The following BEAN1 variants were observed in gnomAD, a reference collection of about 807,000 sequenced individuals.
The protein encoded by BEAN1 is protein BEAN1.
A neutral mutation model predicts 17.7 loss-of-function variants in BEAN1; 17 were observed. The observed-to-expected ratio is 0.96, with a 90% CI of 0.66 to 1.44. BEAN1 has a LOEUF of 1.44. BEAN1 is among the 40% of genes most tolerant of loss of function. The pLI is 0.00. For missense variants in BEAN1, 359 were observed against 374.1 expected (o/e 0.96, Z 0.33); for synonymous variants, 142 against 151.8 (o/e 0.94, Z 0.47).
intron 4 of BEAN1, among the ~76,000 whole-genome samples, chr16:66,478,843 A>G (rs1963871696): frequency 6.6e-6 from 1 of 152,056 alleles, no homozygotes; most frequent in Admixed American, 6.6e-5. Flanking sequence ...TTGGGTTGGG[A>G]GGAACTGGGA....
chr16:66,435,904 C>T (rs1437065885), intron 1 of BEAN1, among the ~76,000 whole-genome samples: 6 of 152,140 alleles, frequency 3.9e-5, no homozygotes, highest in Non-Finnish European at 7.4e-5. Flanking sequence ...CAGTGTTTTG[C>T]CTCTCTGAGC....
intron 1 of BEAN1, among the ~76,000 whole-genome samples, chr16:66,436,843 C>T (rs997261362): frequency 7.9e-5 from 12 of 152,084 alleles, no homozygotes; most frequent in Admixed American, 1.3e-4. Flanking sequence ...CAGGTTCATA[C>T]TGGGGGGCGG....
At chr16:66,450,964 C>T (rs1251495967) in intron 2 of BEAN1, 2 of 152,340 alleles carry the variant, frequency 1.3e-5, no homozygotes, top group Non-Finnish European at 2.9e-5. Flanking sequence ...TCACTTATCA[C>T]TTATTTGAAG....
At chr16:66,452,848 G>A (rs1479020202) in intron 2 of BEAN1, among the ~76,000 whole-genome samples, 1 of 152,060 alleles carries the variant, frequency 6.6e-6, no homozygotes, top group Non-Finnish European at 1.5e-5. Flanking sequence ...AGCTCCCCAG[G>A]ATGGAGAGAG....
At chr16:66,442,349 T>C (rs949984510) in intron 2 of BEAN1, among the ~76,000 whole-genome samples, 2 of 152,286 alleles carry the variant, frequency 1.3e-5, no homozygotes, top group African/African-American at 2.4e-5. Context: ...TGGAGCTCCC[T>C]GAAAGATGGG....
At position 66,469,858 on chromosome 16, in the gene BEAN1, C is replaced by A; in HGVS notation, c.282C>A (p.His94Gln). ...HRRRRHREYE[H>Q]GYVSDEHTYS... ...GGCGTCGACACCGAGAGTACGAGCA[C>A]GGCTACGGTGAGCCGCCGCCCACCC... Residue 94 changes from histidine to glutamine, a missense_variant, in exon 3 of 5, where the codon CAC becomes CAA. Coordinates refer to ENST00000536005, the MANE Select transcript of BEAN1 (RefSeq NM_001178020.3). 5.2e-6 allele frequency: 8 copies of A among 1,533,918 alleles called. No individual in the cohort carries two copies. The highest frequency in any genetic ancestry group is 1.9e-4 in the Middle Eastern group (1 of 5,166).
rs34246549 is a variant in BEAN1 at position 66,461,569 on chromosome 16, G to GACACACACACACACAC, written c.26-8003_26-7988dup. ...GTGCTGTGCAGGGCAGGCAGGCGCA[G>GACACACACACACACAC]ACACACACACACACACACACACACA... On this transcript the variant is annotated intron_variant, in intron 2 of 4. Coordinates refer to ENST00000536005, the MANE Select transcript of BEAN1 (RefSeq NM_001178020.3). 1.5e-4 allele frequency among the ~76,000 whole-genome samples: 21 copies of GACACACACACACACAC among 140,936 alleles called. No individual in the cohort carries two copies. In the East Asian group the frequency reaches 1.5e-3, roughly 10 times the overall value. The allele number at this position is 140,936 out of a possible 152,430, so 92.5% of individuals were successfully genotyped here. A position where few individuals can be genotyped will look rare whatever the true frequency, so the allele number is the denominator to read the frequency against.
chr16:66,443,421 G>A (rs556313816), intron 2 of BEAN1, among the ~76,000 whole-genome samples: 72 of 152,296 alleles, frequency 4.7e-4, no homozygotes, highest in Non-Finnish European at 8.8e-4. Context: ...AAAATGGTGC[G>A]GTCAGGGCTA....
rs1035029403 is a variant in BEAN1 at position 66,470,105 on chromosome 16, G to A, written c.289+240G>A. The A allele has an allele frequency of 8.1e-6, 5 of 614,876 alleles. No homozygotes were observed. In the African/African-American group the frequency reaches 9.2e-5, roughly 11 times the overall value. The allele number at this position is 614,876 out of a possible 1,614,324, so 38.1% of individuals were successfully genotyped here. On this transcript the variant is annotated intron_variant, in intron 3 of 4. Transcript: ENST00000536005. ...AGTGAGGCTGAAGGTCAGAGGGAGAGTGTGTCACTCCTCCCCTGCCACTGT... is the reference window on the plus strand; with the variant it reads ...AGTGAGGCTGAAGGTCAGAGGGAGAATGTGTCACTCCTCCCCTGCCACTGT...
In BEAN1 at chr16:66,480,709, C is replaced by G. The variant is rs202095246; in HGVS notation, c.564C>G (p.His188Gln). ...GCACCTCCGACTCAGGCAGCGGCCA[C>G]AGCCCTGGCCGACACCAGCAGGAGC... ...LDGTSDSGSG[H>Q]SPGRHQQEQR... Residue 188 changes from histidine (H) to glutamine (Q), a missense_variant, in exon 5 of 5, where the codon CAC (histidine) becomes CAG (glutamine). Coordinates refer to ENST00000536005, the MANE Select transcript of BEAN1 (RefSeq NM_001178020.3). The G allele has an allele frequency of 1.7e-4, 260 of 1,551,680 alleles. 2 individuals carry two copies. In the East Asian group the frequency reaches 6.3e-3, roughly 38 times the overall value.
In BEAN1 at chr16:66,480,890, CG is replaced by C. The variant is rs1963964081; in HGVS notation, c.748del (p.Ala250ProfsTer29). ...RGSQGSPTPT[R>X]APASGPERIV ...CTCCCAGGGCTCACCCACCCCAACC[CG>C]GGCCCCAGCCTCTGGCCCAGAGAGG... On this transcript the variant is annotated frameshift_variant, in exon 5 of 5. Coordinates refer to ENST00000536005, the MANE Select transcript of BEAN1 (RefSeq NM_001178020.3). LOFTEE classifies it high-confidence loss of function. 4 of 1,466,310 alleles carry C rather than the reference CG, an allele frequency of 2.7e-6. No individual in the cohort carries two copies. In the South Asian group the frequency reaches 5.6e-5, roughly 21 times the overall value. The allele number at this position is 1,466,310 out of a possible 1,614,324, so 90.8% of individuals were successfully genotyped here.
Position 66,477,615 on chromosome 16 carries a change from C to T in BEAN1, c.345C>T (p.Ser115=). The part of the protein sequence containing the change: ...RSSRRMRYAC[S]SSEDWPPPLD... ...GCCGCAGGATGCGCTATGCCTGCAGCTCCTCAGAGGACTGGCCCCCACCCT... is the reference window on the plus strand; with the variant it reads ...GCCGCAGGATGCGCTATGCCTGCAGTTCCTCAGAGGACTGGCCCCCACCCT... The change falls in exon 4 of 5, where the codon AGC becomes AGT. Residue 115 remains serine, a synonymous_variant. Transcript: ENST00000536005. 1 of 1,551,178 alleles carries T rather than the reference C, an allele frequency of 6.4e-7. No individual in the cohort carries two copies.
intron 2 of BEAN1, among the ~76,000 whole-genome samples, chr16:66,447,103 C>T (rs1440733208): frequency 2.0e-5 from 3 of 152,142 alleles, no homozygotes; most frequent in African/African-American, 7.2e-5. Flanking sequence ...GACCCTGTCT[C>T]TACAAAAAAT....
Position 66,481,218 on chromosome 16 carries a change from G to A in BEAN1, c.*293G>A. The A allele has an allele frequency of 2.4e-6, 1 of 409,572 alleles. No individual in the cohort carries two copies. The highest frequency in any genetic ancestry group is 4.3e-6 in the Non-Finnish European group (1 of 232,828). The allele number at this position is 409,572 out of a possible 1,614,324, so 25.4% of individuals were successfully genotyped here. ...TCCTGGCCTCCCGTCCCTCCTCCCG[G>A]CCTGTTTGTTGTGCCTCTGTAGAGA... On this transcript the variant is annotated 3_prime_UTR_variant, in exon 5 of 5. Coordinates refer to ENST00000536005, the MANE Select transcript of BEAN1 (RefSeq NM_001178020.3). This position sits in a 1 kb window ranked among gnomAD's most constrained non-coding sequence, Gnocchi z 4.1.
Position 66,473,927 on chromosome 16 carries a change from C to T in BEAN1, c.290-3633C>T, listed in dbSNP as rs1963589234. Among the ~76,000 whole-genome samples the T allele has an allele frequency of 6.6e-6, 1 of 152,018 alleles. No homozygotes were observed. The highest frequency in any genetic ancestry group is 2.4e-5 in the African/African-American group (1 of 41,382). On this transcript the variant is annotated intron_variant, in intron 3 of 4. Coordinates refer to ENST00000536005, the MANE Select transcript of BEAN1 (RefSeq NM_001178020.3). The surrounding 1 kb of genome is among the most constrained non-coding windows in gnomAD (Gnocchi z 4.5). Reference sequence around the variant, plus strand: ...GTCCCTCAGATCCCACACCTTGGTCCTGGTCCTCTCTCTACACCCACTCCC... The same window carrying T: ...GTCCCTCAGATCCCACACCTTGGTCTTGGTCCTCTCTCTACACCCACTCCC...
chr16:66,479,804 G>A (rs957644489), intron 4 of BEAN1, among the ~76,000 whole-genome samples: 17 of 152,130 alleles, frequency 1.1e-4, no homozygotes, highest in African/African-American at 3.4e-4. Context: ...GACAGGTGGA[G>A]CTTGTGGCCA....
chr16:66,460,997 T>C (rs1017554864), intron 2 of BEAN1, among the ~76,000 whole-genome samples: 1 of 152,106 alleles, frequency 6.6e-6, no homozygotes, highest in African/African-American at 2.4e-5. Flanking sequence ...ATACAGTAGG[T>C]GCTCAGGAGA....
intron 1 of BEAN1, among the ~76,000 whole-genome samples, chr16:66,435,532 G>A (rs185715128): frequency 2.7e-4 from 41 of 152,278 alleles, no homozygotes; most frequent in African/African-American, 9.6e-4. Context: ...CTGTCACCCA[G>A]GCTGGAGTGC....
At chr16:66,494,758 G>A (rs139305373), downstream of BEAN1, among the ~76,000 whole-genome samples, 200 of 152,326 alleles carry the variant, frequency 1.3e-3, no homozygotes, top group African/African-American at 4.7e-3. Context: ...CCATCCAGGA[G>A]CGGGGGCACC....
Sources: allele counts gnomAD v4.1 joint callset (sites outside exome capture counted in the v4.1 genomes callset), GRCh38; gene constraint gnomAD v4.1.1; non-coding constraint Gnocchi (gnomAD v3.1); transcripts MANE v1.5; gene names NCBI Gene and HGNC (gene_info 2026-07-23, HGNC 2026-07-21).